PIK3R3: variants seen among roughly 807,000 people sequenced by gnomAD.
PIK3R3 encodes phosphoinositide-3-kinase regulatory subunit 3.
In PIK3R3, 64 loss-of-function variants were observed where a neutral mutation model predicts 62.9. That is an observed-to-expected ratio of 1.02 (90% CI 0.83 to 1.25). PIK3R3 has a LOEUF of 1.25. PIK3R3 is among the 50% of genes most tolerant of loss of function. The probability of loss-of-function intolerance (pLI) is 0.00; values close to 1 mark genes in which losing one functional copy is unlikely to be tolerated. For missense variants in PIK3R3, 614 were observed against 561.6 expected (o/e 1.09, Z -0.94); for synonymous variants, 165 against 189.0 (o/e 0.87, Z 1.04).
intron 4 of PIK3R3, among the ~76,000 whole-genome samples, 177 bp from the exon 5 acceptor site, chr1:46,066,356 T>C (rs1648987719): frequency 6.6e-6 from 1 of 152,182 alleles, no homozygotes; most frequent in African/African-American, 2.4e-5. Flanking sequence ...ACCAAATCCT[T>C]TGATAATATT....
At chr1:46,058,441 C>T (rs553726190) in intron 6 of PIK3R3, among the ~76,000 whole-genome samples, 13 of 152,318 alleles carry the variant, frequency 8.5e-5, no homozygotes, top group Admixed American at 6.5e-4. Context: ...CAGCTTACAC[C>T]GTGTGCCTGG....
intron 7 of PIK3R3, among the ~76,000 whole-genome samples, chr1:46,051,247 C>T (rs1647316786): frequency 6.6e-6 from 1 of 151,842 alleles, no homozygotes; most frequent in African/African-American, 2.4e-5. Context: ...GAACACAGCA[C>T]CCTCCACAGA....
At chr1:46,172,111 C>T in the PIK3R3 span, among the ~76,000 whole-genome samples, 53 of 152,296 alleles carry the variant, frequency 3.5e-4, no homozygotes, top group Admixed American at 3.1e-3. Flanking sequence ...CCTCACCTCC[C>T]GATTCGGTGG....
At position 46,131,609 on chromosome 1, in the gene PIK3R3, T is replaced by C. The variant is rs1571585972; in HGVS notation, c.106+238A>G. The C allele has an allele frequency of 7.4e-6, 3 of 404,084 alleles. No individual in the cohort carries two copies. In the East Asian group the frequency reaches 1.8e-4, roughly 24 times the overall value. 25.0% of individuals were successfully genotyped at this position (404,084 alleles called of 1,614,324 possible). ...AATGATAATTTTAAAAAGGGGTCTCTCCTCCCACCCCCACTTCCAGCCCCC... is the reference window on the plus strand; with the variant it reads ...AATGATAATTTTAAAAAGGGGTCTCCCCTCCCACCCCCACTTCCAGCCCCC... On this transcript the variant is annotated intron_variant, in intron 1 of 9. Transcript: ENST00000262741.
chr1:46,043,321 T>C lies in PIK3R3; in HGVS notation c.*352A>G, dbSNP rs764782308. The C allele has an allele frequency of 2.1e-5, 6 of 285,202 alleles. No individual in the cohort carries two copies. The highest frequency in any genetic ancestry group is 2.7e-5 in the Non-Finnish European group (4 of 148,818). The allele number at this position is 285,202 out of a possible 1,614,324, so 17.7% of individuals were successfully genotyped here. A position where few individuals can be genotyped will look rare whatever the true frequency, so the allele number is the denominator to read the frequency against. On this transcript the variant is annotated 3_prime_UTR_variant, in exon 10 of 10. Transcript: ENST00000262741. ...TCAAGAGTTAGATTTTAAAAAGACA[T>C]GGTCTCTTCAGAGGCTTCCAAATAC...
chr1:46,092,062 G>A (rs1217880762), intron 1 of PIK3R3, among the ~76,000 whole-genome samples: 1 of 151,914 alleles, frequency 6.6e-6, no homozygotes, highest in African/African-American at 2.4e-5. Flanking sequence ...TTCCTCACCT[G>A]TCCTATCCAC....
intron 1 of PIK3R3, among the ~76,000 whole-genome samples, chr1:46,117,251 A>G (rs1031603908): frequency 3.9e-5 from 6 of 152,002 alleles, no homozygotes; most frequent in Non-Finnish European, 7.4e-5. Flanking sequence ...TGGGCCACAC[A>G]GTAAGACCTC....
chr1:46,167,019 G>C, the PIK3R3 span, among the ~76,000 whole-genome samples: 1 of 152,204 alleles, frequency 6.6e-6, no homozygotes, highest in Non-Finnish European at 1.5e-5. Context: ...TCCTGACTCC[G>C]CGCCCGGCGC....
intron 7 of PIK3R3, among the ~76,000 whole-genome samples, chr1:46,053,073 TTC>T (rs1341440698): frequency 1.3e-5 from 2 of 152,126 alleles, no homozygotes; most frequent in South Asian, 2.1e-4. Flanking sequence ...CCAGAGACAA[TTC>T]TCTGTTAGAA....
At chr1:46,071,663 T>C (rs1408908814) in intron 3 of PIK3R3, among the ~76,000 whole-genome samples, 4 of 127,168 alleles carry the variant, frequency 3.1e-5, no homozygotes, top group Admixed American at 9.2e-5. Context: ...GCCATTACAC[T>C]CTAGCCTGAG....
At chr1:46,152,278 A>G in the PIK3R3 span, among the ~76,000 whole-genome samples, 1 of 152,158 alleles carries the variant, frequency 6.6e-6, no homozygotes, top group Non-Finnish European at 1.5e-5. Flanking sequence ...TCACTTCTCC[A>G]TATCGGGTAT....
chr1:46,092,964 C>T lies in PIK3R3; in HGVS notation c.107-12214G>A, dbSNP rs371183069. On this transcript the variant is annotated intron_variant, in intron 1 of 9. Coordinates refer to ENST00000262741, the MANE Select transcript of PIK3R3 (RefSeq NM_003629.4). ...CGGCTAATAAAGAGGGAAAAAGTTA[C>T]ATCATCTTCAATTGGTTTCACCAGT... Among the ~76,000 whole-genome samples the T allele has an allele frequency of 3.9e-5, 6 of 152,168 alleles. No homozygotes were observed. The East Asian group carries it at 7.7e-4, about 20-fold the overall frequency.
intron 7 of PIK3R3, among the ~76,000 whole-genome samples, chr1:46,051,334 C>T (rs901437986): frequency 2.6e-5 from 4 of 151,962 alleles, no homozygotes; most frequent in Non-Finnish European, 5.9e-5. Context: ...GATCTCAGCT[C>T]ACTGCAACCT....
the PIK3R3 span, among the ~76,000 whole-genome samples, chr1:46,149,728 G>A: frequency 6.6e-6 from 1 of 152,058 alleles, no homozygotes; most frequent in Admixed American, 6.6e-5. Context: ...GCGGGATTTC[G>A]CCAAGTTGGC....
intron 1 of PIK3R3, among the ~76,000 whole-genome samples, chr1:46,127,915 C>T (rs140083780): frequency 1.5e-4 from 23 of 152,220 alleles, no homozygotes; most frequent in African/African-American, 5.3e-4. Context: ...TCTACTGCTG[C>T]CAGGAAATAC....
intron 5 of PIK3R3, among the ~76,000 whole-genome samples, chr1:46,063,266 T>TA (rs1293930623): frequency 6.6e-6 from 1 of 152,164 alleles, no homozygotes; most frequent in African/African-American, 2.4e-5. Flanking sequence ...ATACATAAAA[T>TA]AACAAGGCAT....
In PIK3R3 at chr1:46,044,052, A is replaced by C. The variant is rs1239490916; in HGVS notation, c.1188-181T>G. Among the ~76,000 whole-genome samples the C allele has an allele frequency of 1.3e-5, 2 of 151,860 alleles. No homozygotes were observed. The highest frequency in any genetic ancestry group is 4.8e-5 in the African/African-American group (2 of 41,412). On this transcript the variant is annotated intron_variant, in intron 9 of 9. Coordinates refer to ENST00000262741, the MANE Select transcript of PIK3R3 (RefSeq NM_003629.4). This position sits in a 1 kb window ranked among gnomAD's most constrained non-coding sequence, Gnocchi z 4.2. ...TGGCCACAGATACGGGTGTTAAAAC[A>C]ACCACAAATGTAAGGGTTTATTTAT...
chr1:46,106,179 T>C (rs1378161307), intron 1 of PIK3R3, among the ~76,000 whole-genome samples: 1 of 152,180 alleles, frequency 6.6e-6, no homozygotes, highest in Non-Finnish European at 1.5e-5. Context: ...TATGGCTTAC[T>C]GCAGCCTTGA....
the PIK3R3 span, among the ~76,000 whole-genome samples, chr1:46,145,015 C>T: frequency 6.8e-6 from 1 of 147,920 alleles, no homozygotes; most frequent in African/African-American, 2.5e-5. Context: ...ACCAGCTACT[C>T]GGGAGGCTGA....
Sources: allele counts gnomAD v4.1 joint callset (sites outside exome capture counted in the v4.1 genomes callset), GRCh38; gene constraint gnomAD v4.1.1; non-coding constraint Gnocchi (gnomAD v3.1); transcripts MANE v1.5; gene names NCBI Gene and HGNC (gene_info 2026-07-23, HGNC 2026-07-21).